GRK3: variants seen among roughly 807,000 people sequenced by gnomAD.
GRK3 encodes adrenergic, beta, receptor kinase 2.
In GRK3, 54 loss-of-function variants were observed where a neutral mutation model predicts 95.7. The observed-to-expected ratio is 0.56, with a 90% CI of 0.45 to 0.71. The LOEUF (loss-of-function observed/expected upper bound fraction) is 0.71, where lower values mean the gene tolerates loss of function less well. Among genes scored for constraint, GRK3 ranks in the 30% least tolerant of loss-of-function variants. GRK3 has a pLI of 0.00. For missense variants in GRK3, 649 were observed against 851.2 expected (o/e 0.76, Z 2.96); for synonymous variants, 281 against 290.8 (o/e 0.97, Z 0.34).
intron 8 of GRK3, among the ~76,000 whole-genome samples, chr22:25,676,767 CA>C (rs1259257879): frequency 6.6e-6 from 1 of 152,022 alleles, no homozygotes; most frequent in African/African-American, 2.4e-5. Context: ...CAAAAATAGC[CA>C]GTGGGTAGTA....
chr22:25,688,379 G>C (rs2085138952), intron 11 of GRK3, among the ~76,000 whole-genome samples: 1 of 152,058 alleles, frequency 6.6e-6, no homozygotes, highest in Non-Finnish European at 1.5e-5. Context: ...TGATGGATAA[G>C]CAAAGAACAT....
At chr22:25,707,952 C>T (rs1055834559) in intron 15 of GRK3, among the ~76,000 whole-genome samples, 1 of 152,030 alleles carries the variant, frequency 6.6e-6, no homozygotes, top group African/African-American at 2.4e-5. Context: ...GGAATCACCA[C>T]CCCGGCCAGG....
At chr22:25,569,228 A>C (rs144419843) in intron 1 of GRK3, among the ~76,000 whole-genome samples, 1 of 152,374 alleles carries the variant, frequency 6.6e-6, no homozygotes, top group African/African-American at 2.4e-5. Context: ...TATGTGTAAG[A>C]AACAGTAGTG....
intron 6 of GRK3, among the ~76,000 whole-genome samples, chr22:25,668,948 C>T (rs529093139): frequency 6.6e-6 from 1 of 152,308 alleles, no homozygotes; most frequent in South Asian, 2.1e-4. Flanking sequence ...ACAGTCATTT[C>T]ATAGCCTCAC....
At chr22:25,690,931 C>G (rs1181575005) in intron 12 of GRK3, among the ~76,000 whole-genome samples, 4 of 152,192 alleles carry the variant, frequency 2.6e-5, no homozygotes, top group African/African-American at 9.7e-5. Context: ...CTTGAGGCCA[C>G]AGCTCTCAGC....
At chr22:25,589,991 A>T (rs191728230) in intron 1 of GRK3, among the ~76,000 whole-genome samples, 134 of 152,144 alleles carry the variant, frequency 8.8e-4, no homozygotes, top group African/African-American at 2.7e-3. Flanking sequence ...TGATTCAATG[A>T]CCTCCCACTG....
chr22:25,676,350 T>C (rs1261168113), intron 8 of GRK3, among the ~76,000 whole-genome samples: 2 of 152,220 alleles, frequency 1.3e-5, no homozygotes, highest in African/African-American at 2.4e-5. Flanking sequence ...CTAGTTTTGC[T>C]TCATAATTGT....
At chr22:25,648,277 C>G in intron 3 of GRK3, 1 of 870,654 alleles carries the variant, frequency 1.1e-6, no homozygotes, top group Non-Finnish European at 2.0e-6. Context: ...TACTATATCA[C>G]AACCAGAGAA....
chr22:25,706,871 G>C (rs551058077), intron 15 of GRK3, among the ~76,000 whole-genome samples: 2 of 152,320 alleles, frequency 1.3e-5, no homozygotes, highest in South Asian at 4.1e-4. Context: ...CACCCAGACT[G>C]GAGTGCAATG....
In GRK3 at chr22:25,565,147, A is replaced by C; in HGVS notation, c.107A>C (p.Glu36Ala). ...GCCAGCAAGAGGATCGTCCTGCCGG[A>C]GCCCAGGTACCAGCTGCCCCGGCCG... ...ARASKRIVLPEPSIRSVMQKY... is the reference protein window; with the variant it reads ...ARASKRIVLPAPSIRSVMQKY... Residue 36 changes from glutamate (E) to alanine (A), a missense_variant, in exon 1 of 21, where the codon GAG becomes GCG. By Grantham distance (107) the Glu-to-Ala change is moderately radical. This residue lies in a region of GRK3 where 206 missense variants were observed against 231.4 expected (regional missense o/e 0.89). Transcript: ENST00000324198. 6.6e-7 allele frequency: 1 copy of C among 1,517,306 alleles called. No homozygotes were observed. The highest frequency in any genetic ancestry group is 8.8e-7 in the Non-Finnish European group (1 of 1,133,678). The allele number at this position is 1,517,306 out of a possible 1,614,324, so 94.0% of individuals were successfully genotyped here.
intron 1 of GRK3, among the ~76,000 whole-genome samples, chr22:25,574,709 G>A (rs1299609956): frequency 6.6e-6 from 1 of 152,128 alleles, no homozygotes; most frequent in East Asian, 1.9e-4. Context: ...GTAAGATCAA[G>A]GGACTTTAAT....
intron 11 of GRK3, 106 bp downstream of exon 11, chr22:25,687,773 C>T: frequency 7.9e-7 from 1 of 1,270,890 alleles, no homozygotes; most frequent in African/African-American, 1.5e-5. Flanking sequence ...TCATAGCCCT[C>T]ATCTCAGCCC....
chr22:25,625,992 C>T (rs558221934), intron 2 of GRK3, among the ~76,000 whole-genome samples: 7 of 152,050 alleles, frequency 4.6e-5, no homozygotes, highest in Middle Eastern at 3.4e-3. Context: ...GGGCCACTAC[C>T]GGTCTCCGTG....
chr22:25,573,588 G>C (rs959858959), intron 1 of GRK3, among the ~76,000 whole-genome samples: 1 of 152,124 alleles, frequency 6.6e-6, no homozygotes, highest in South Asian at 2.1e-4. Context: ...TGCAGAAAAA[G>C]GTCATAGGAT....
chr22:25,654,066 A>T (rs572639887), intron 3 of GRK3, among the ~76,000 whole-genome samples: 2 of 152,362 alleles, frequency 1.3e-5, no homozygotes, highest in African/African-American at 2.4e-5. Context: ...AAATTTCATG[A>T]TTGAAATTGC....
At chr22:25,601,025 A>G (rs1321137402) in intron 1 of GRK3, among the ~76,000 whole-genome samples, 1 of 152,202 alleles carries the variant, frequency 6.6e-6, no homozygotes, top group Non-Finnish European at 1.5e-5. Flanking sequence ...ATAAAACAAA[A>G]ACAGAATTGA....
intron 2 of GRK3, among the ~76,000 whole-genome samples, chr22:25,630,164 C>G (rs2084654833): frequency 6.6e-6 from 1 of 152,136 alleles, no homozygotes; most frequent in African/African-American, 2.4e-5. Flanking sequence ...GATTGGTTGG[C>G]TCTTATTCTG....
Position 25,564,808 on chromosome 22 carries a change from G to T in GRK3, c.-233G>T, listed in dbSNP as rs1931376356. ...GGCGCGCGTGCGCGGGGCGCCGGGCGGCGCGCGAGGGGGCGGAGCGGGGAG... is the reference window on the plus strand; with the variant it reads ...GGCGCGCGTGCGCGGGGCGCCGGGCTGCGCGCGAGGGGGCGGAGCGGGGAG... On this transcript the variant is annotated 5_prime_UTR_variant, in exon 1 of 21. Transcript: ENST00000324198. 6.7e-6 allele frequency: 1 copy of T among 148,554 alleles called. No individual in the cohort carries two copies. The allele number at this position is 148,554 out of a possible 1,614,324, so 9.2% of individuals were successfully genotyped here.
intron 2 of GRK3, among the ~76,000 whole-genome samples, chr22:25,609,702 T>C (rs2084481401): frequency 6.6e-6 from 1 of 152,164 alleles, no homozygotes; most frequent in Admixed American, 6.6e-5. Context: ...AATATAATAT[T>C]ATATCACATA....
Sources: allele counts gnomAD v4.1 joint callset (sites outside exome capture counted in the v4.1 genomes callset), GRCh38; gene constraint gnomAD v4.1.1; regional missense constraint gnomAD v4.1.1; transcripts MANE v1.5; gene names NCBI Gene and HGNC (gene_info 2026-07-23, HGNC 2026-07-21).